The following ZNF469 variants were observed in gnomAD, a reference collection of about 807,000 sequenced individuals.
ZNF469 encodes zinc finger protein 469.
ZNF469 carries 1 observed loss-of-function variant against 1.0 expected under a neutral mutation model. The ratio of observed to expected loss-of-function variants is 1.00; its 90% CI spans 0.35 to 4.73. The LOEUF is 4.73. Among genes scored for constraint, ZNF469 ranks in the 30% most tolerant of loss-of-function variants. The pLI, the probability that ZNF469 is intolerant of heterozygous loss-of-function variation, is 0.16. For missense variants in ZNF469, 6,100 were observed against 5,356.3 expected, an observed-to-expected ratio of 1.14 and a Z score of -4.33; for synonymous variants, 2,703 against 2,363.4, an observed-to-expected ratio of 1.14 and a Z score of -4.17.
intron 1 of ZNF469, among the ~76,000 whole-genome samples, chr16:88,414,145 G>T (rs1278567004): frequency 1.3e-5 from 2 of 152,218 alleles, no homozygotes; most frequent in Non-Finnish European, 2.9e-5. Flanking sequence ...GTCACCCTCA[G>T]GGCCTAGATC....
At chr16:88,147,145 C>T in the ZNF469 span, among the ~76,000 whole-genome samples, 3 of 152,022 alleles carry the variant, frequency 2.0e-5, no homozygotes, top group African/African-American at 7.3e-5. Flanking sequence ...AAGAGGAAGG[C>T]AGAAGGACGA....
chr16:88,182,088 T>C, the ZNF469 span, among the ~76,000 whole-genome samples: 746 of 152,354 alleles, frequency 4.9e-3, 3 homozygotes, highest in Non-Finnish European at 6.5e-3. Flanking sequence ...ATACTAGCAG[T>C]GGACAATAGG....
At chr16:88,249,038 C>T in the ZNF469 span, among the ~76,000 whole-genome samples, 5 of 152,098 alleles carry the variant, frequency 3.3e-5, no homozygotes, top group Non-Finnish European at 7.3e-5. Flanking sequence ...CTCCCTCTCA[C>T]GCTGCACACA....
the ZNF469 span, among the ~76,000 whole-genome samples, chr16:88,137,105 C>T: frequency 6.6e-6 from 1 of 152,152 alleles, no homozygotes. Context: ...ATGTGCAAGT[C>T]ATGTGTGCAT....
the ZNF469 span, among the ~76,000 whole-genome samples, chr16:88,114,473 C>A: frequency 7.4e-5 from 11 of 148,458 alleles, no homozygotes; most frequent in Non-Finnish European, 4.4e-5. Flanking sequence ...TCACTGACTG[C>A]GGGGGTCTCC....
chr16:88,124,873 T>C, the ZNF469 span, among the ~76,000 whole-genome samples: 4 of 152,264 alleles, frequency 2.6e-5, no homozygotes, highest in African/African-American at 9.6e-5. Flanking sequence ...CGTGAGCCAC[T>C]GCGCCCGGCC....
intron 1 of ZNF469, among the ~76,000 whole-genome samples, chr16:88,422,797 T>C (rs1047873660): frequency 6.9e-6 from 1 of 144,008 alleles, no homozygotes; most frequent in African/African-American, 2.7e-5. Flanking sequence ...GATGGATGGG[T>C]GGATGGACAG....
chr16:88,187,090 G>T, the ZNF469 span, among the ~76,000 whole-genome samples: 10 of 152,140 alleles, frequency 6.6e-5, no homozygotes, highest in African/African-American at 2.4e-4. Flanking sequence ...GGAAGGCAGG[G>T]CTGGTGGGCG....
chr16:88,230,437 C>A, the ZNF469 span, among the ~76,000 whole-genome samples: 2 of 152,322 alleles, frequency 1.3e-5, no homozygotes, highest in East Asian at 3.9e-4. Flanking sequence ...CTGATAAGGG[C>A]TGATGAGCAG....
intron 1 of ZNF469, among the ~76,000 whole-genome samples, chr16:88,417,563 C>T (rs1330589216): frequency 6.6e-6 from 1 of 152,176 alleles, no homozygotes; most frequent in Non-Finnish European, 1.5e-5. Flanking sequence ...AGATGCCTGG[C>T]GGGGCGGCCC....
the ZNF469 span, among the ~76,000 whole-genome samples, chr16:88,244,994 C>T: frequency 4.6e-5 from 7 of 152,032 alleles, no homozygotes; most frequent in African/African-American, 1.4e-4. Context: ...GAAGACCCAT[C>T]GGAAGACTAG....
At chr16:88,114,961 C>T in the ZNF469 span, among the ~76,000 whole-genome samples, 2 of 44,216 alleles carry the variant, frequency 4.5e-5, no homozygotes, top group African/African-American at 9.9e-5. Context: ...CTTGCTGTGG[C>T]CTCTCATGGA....
the ZNF469 span, among the ~76,000 whole-genome samples, chr16:88,173,239 T>C: frequency 1.3e-5 from 2 of 152,008 alleles, no homozygotes; most frequent in African/African-American, 4.8e-5. Flanking sequence ...AAACATATTA[T>C]GTATAGAGGA....
At chr16:88,166,389 G>C in the ZNF469 span, among the ~76,000 whole-genome samples, 1 of 152,060 alleles carries the variant, frequency 6.6e-6, no homozygotes, top group African/African-American at 2.4e-5. This position sits in a 1 kb window ranked among gnomAD's most constrained non-coding sequence, Gnocchi z 4.5. Flanking sequence ...AATTTCATTA[G>C]CTAGAGTGCA....
the ZNF469 span, among the ~76,000 whole-genome samples, chr16:88,159,178 G>A: frequency 9.4e-6 from 1 of 106,052 alleles, no homozygotes; most frequent in African/African-American, 2.9e-5. Context: ...ACCACTCACT[G>A]TCCTGGTCAC....
At chr16:88,185,285 A>G in the ZNF469 span, among the ~76,000 whole-genome samples, 1 of 152,190 alleles carries the variant, frequency 6.6e-6, no homozygotes, top group Non-Finnish European at 1.5e-5. Context: ...GTATAGCCAG[A>G]CACACAGGCA....
chr16:88,178,383 T>G, the ZNF469 span: 2 of 152,170 alleles, frequency 1.3e-5, no homozygotes, highest in African/African-American at 2.4e-5. Context: ...AATGGGGCAC[T>G]CCGGCGTTCT....
chr16:88,383,334 C>T (rs1394188739), intron 1 of ZNF469, among the ~76,000 whole-genome samples, 80 bp downstream of exon 1: 3 of 147,514 alleles, frequency 2.0e-5, no homozygotes, highest in South Asian at 2.1e-4. Context: ...TGTCACCGGG[C>T]TGCGCGGGGG....
chr16:88,285,611 G>T, the ZNF469 span, among the ~76,000 whole-genome samples: 1 of 152,268 alleles, frequency 6.6e-6, no homozygotes, highest in African/African-American at 2.4e-5. Flanking sequence ...CTTGCCCACA[G>T]CTGTGGTCTG....
Sources: allele counts gnomAD v4.1 joint callset (sites outside exome capture counted in the v4.1 genomes callset), GRCh38; gene constraint gnomAD v4.1.1; non-coding constraint Gnocchi (gnomAD v3.1); transcripts MANE v1.5; gene names NCBI Gene and HGNC (gene_info 2026-07-23, HGNC 2026-07-21).